RALGPS1: variants seen among roughly 807,000 people sequenced by gnomAD.
RALGPS1 encodes ras-specific guanine nucleotide-releasing factor RalGPS1.
Under a neutral mutation model 78.8 loss-of-function variants are expected in RALGPS1, and 19 were observed. The ratio of observed to expected loss-of-function variants is 0.24; its 90% CI spans 0.17 to 0.35. The LOEUF (loss-of-function observed/expected upper bound fraction) is 0.35. Among genes scored for constraint, RALGPS1 ranks in the 10% least tolerant of loss-of-function variants. RALGPS1 has a pLI of 1.00. For missense variants in RALGPS1, 454 were observed against 688.3 expected (o/e 0.66, Z 3.81); for synonymous variants, 228 against 256.3 (o/e 0.89, Z 1.06).
intron 11 of RALGPS1, chr9:127,178,514 G>C: frequency 1.0e-6 from 1 of 985,914 alleles, no homozygotes; most frequent in Non-Finnish European, 1.2e-6. Context: ...TATCATAATT[G>C]TCATATTGTG....
chr9:127,054,973 C>T (rs2048589868), intron 7 of RALGPS1, among the ~76,000 whole-genome samples: 2 of 146,062 alleles, frequency 1.4e-5, no homozygotes, highest in Admixed American at 6.9e-5. Flanking sequence ...GACCCCATCT[C>T]TGAAAAAGAG....
At chr9:126,963,111 C>T (rs999300796) in intron 2 of RALGPS1, among the ~76,000 whole-genome samples, 2 of 152,172 alleles carry the variant, frequency 1.3e-5, no homozygotes, top group Non-Finnish European at 2.9e-5. Flanking sequence ...GTTGCTGCAG[C>T]AGAATTGTCA....
At chr9:126,916,191 T>G (rs929229880) in intron 1 of RALGPS1, among the ~76,000 whole-genome samples, 23 of 152,128 alleles carry the variant, frequency 1.5e-4, no homozygotes, top group African/African-American at 5.6e-4. Context: ...AAGAGAGGGT[T>G]TGTTTCTAGT....
At chr9:127,143,936 C>T (rs558485994) in intron 8 of RALGPS1, among the ~76,000 whole-genome samples, 63 of 152,216 alleles carry the variant, frequency 4.1e-4, no homozygotes, top group Non-Finnish European at 7.6e-4. Flanking sequence ...CCTCCCCTTC[C>T]GGGCACCTGG....
intron 3 of RALGPS1, among the ~76,000 whole-genome samples, chr9:126,973,077 T>C (rs898575808): frequency 2.0e-5 from 3 of 151,594 alleles, no homozygotes; most frequent in Non-Finnish European, 4.4e-5. Context: ...AAACAAAAAG[T>C]ATGTATCAGG....
chr9:127,206,928 TC>T (rs1426588053), intron 14 of RALGPS1, among the ~76,000 whole-genome samples: 1 of 152,080 alleles, frequency 6.6e-6, no homozygotes, highest in Non-Finnish European at 1.5e-5. Context: ...CTCTGCCTCT[TC>T]CCAGTGTCGT....
chr9:127,094,464 C>T (rs935569050), intron 8 of RALGPS1, among the ~76,000 whole-genome samples: 1 of 152,246 alleles, frequency 6.6e-6, no homozygotes, highest in Admixed American at 6.5e-5. Context: ...AATTCTGACT[C>T]CACGTCTGCC....
Position 126,965,441 on chromosome 9 carries a change from T to C in RALGPS1, c.58-403T>C, listed in dbSNP as rs559968882. Among the ~76,000 whole-genome samples the C allele has an allele frequency of 5.3e-4, 48 of 90,564 alleles. 2 individuals carry two copies. In the East Asian group the frequency reaches 0.026, roughly 49 times the overall value. 59.4% of individuals were successfully genotyped at this position (90,564 alleles called of 152,430 possible). On this transcript the variant is annotated intron_variant, in intron 2 of 18. Transcript: ENST00000259351. ...TTCTCCCTCAAGGAAGATTGGGCTG[T>C]AATTTTTTTACCCCACCACTAAACC...
chr9:127,101,551 CTTCA>C (rs2053730679), intron 8 of RALGPS1, among the ~76,000 whole-genome samples: 1 of 152,208 alleles, frequency 6.6e-6, no homozygotes, highest in Non-Finnish European at 1.5e-5. Flanking sequence ...CCTTTGCTAC[CTTCA>C]TTCTGTGCTT....
intron 8 of RALGPS1, among the ~76,000 whole-genome samples, chr9:127,105,887 A>C (rs955715981): frequency 6.6e-6 from 1 of 152,244 alleles, no homozygotes; most frequent in Admixed American, 6.5e-5. Flanking sequence ...GTAGGGGCTC[A>C]GCAAATGTTG....
intron 8 of RALGPS1, among the ~76,000 whole-genome samples, chr9:127,090,916 CT>C (rs1176070032): frequency 1.3e-5 from 2 of 152,192 alleles, no homozygotes; most frequent in Admixed American, 6.5e-5. Context: ...TCTGTTTCTT[CT>C]GATTTTCTGT....
chr9:127,067,411 CTT>C, intron 7 of RALGPS1, among the ~76,000 whole-genome samples: 1 of 152,332 alleles, frequency 6.6e-6, no homozygotes, highest in South Asian at 2.1e-4. Context: ...AGTGGGCTGT[CTT>C]ATGGCTGCAT....
At chr9:126,981,886 C>G (rs933951206) in intron 4 of RALGPS1, among the ~76,000 whole-genome samples, 5 of 152,138 alleles carry the variant, frequency 3.3e-5, no homozygotes, top group Non-Finnish European at 7.3e-5. Flanking sequence ...GGCTCAGGGT[C>G]TCTCAGGAGG....
rs1294783511 is a variant in RALGPS1 at position 127,212,531 on chromosome 9, A to G, written c.1354-96A>G. 1.2e-6 allele frequency: 1 copy of G among 858,878 alleles called. No individual in the cohort carries two copies. Among genetic ancestry groups the G allele is most frequent in the East Asian group, 2.6e-5 (1 of 38,620 alleles). 53.2% of individuals were successfully genotyped at this position (858,878 alleles called of 1,614,324 possible). A position where few individuals can be genotyped will look rare whatever the true frequency, so the allele number is the denominator to read the frequency against. Reference sequence around the variant, plus strand: ...GGGCCAGGGAAGAGATGGGGCCTGCACTGGCATTGATGGGATGGCTGGGTC... The same window carrying G: ...GGGCCAGGGAAGAGATGGGGCCTGCGCTGGCATTGATGGGATGGCTGGGTC... On this transcript the variant is annotated intron_variant, in intron 15 of 18. Coordinates refer to ENST00000259351, the MANE Select transcript of RALGPS1 (RefSeq NM_014636.3). The surrounding 1 kb of genome is among the most constrained non-coding windows in gnomAD (Gnocchi z 6.0).
In RALGPS1 at chr9:126,965,999, A is replaced by G. The variant is rs201042403; in HGVS notation, c.165+48A>G. On this transcript the variant is annotated intron_variant, in intron 3 of 18. Transcript: ENST00000259351. ...GGGTGGCTGGGCACCACAGCAGGGC[A>G]CTAGAGGGAGCCACCACTTAGGCTT... 237 of 1,402,886 alleles carry G rather than the reference A, an allele frequency of 1.7e-4. 2 individuals carry two copies. In the South Asian group the frequency reaches 2.4e-3, roughly 14 times the overall value. The allele number at this position is 1,402,886 out of a possible 1,614,324, so 86.9% of individuals were successfully genotyped here. A position where few individuals can be genotyped will look rare whatever the true frequency, so the allele number is the denominator to read the frequency against.
At chr9:126,985,494 C>G (rs750710442) in intron 4 of RALGPS1, among the ~76,000 whole-genome samples, 3 of 152,124 alleles carry the variant, frequency 2.0e-5, no homozygotes, top group Admixed American at 6.5e-5. Flanking sequence ...AGAGTTGTTA[C>G]TTAATTCCCT....
chr9:126,942,362 TAA>T (rs776967629), intron 1 of RALGPS1, among the ~76,000 whole-genome samples: 104 of 152,292 alleles, frequency 6.8e-4, no homozygotes, highest in Middle Eastern at 3.4e-3. Context: ...TTTTTGTTGT[TAA>T]GTCTTGAATC....
chr9:127,194,764 T>A (rs1035491221), intron 11 of RALGPS1, among the ~76,000 whole-genome samples: 31 of 152,312 alleles, frequency 2.0e-4, no homozygotes, highest in Admixed American at 7.2e-4. Flanking sequence ...CTGGATGTCC[T>A]TAGATAAGTC....
intron 8 of RALGPS1, chr9:127,088,995 A>G (rs1320955945): frequency 6.2e-7 from 1 of 1,614,072 alleles, no homozygotes; most frequent in East Asian, 2.2e-5. Flanking sequence ...TTGAGTGAGT[A>G]AGAGCCTCCT....
Sources: gnomAD v4.1 joint callset for allele counts (sites outside exome capture counted in the v4.1 genomes callset) on GRCh38, gnomAD v4.1.1 for gene constraint, Gnocchi (gnomAD v3.1) non-coding constraint, MANE v1.5 for transcripts, NCBI Gene and HGNC (gene_info 2026-07-23, HGNC 2026-07-21) for gene names.